The following HNF4A variants were observed in gnomAD, a reference collection of about 807,000 sequenced individuals.
HNF4A encodes the protein hepatocyte nuclear factor 4-alpha.
Under a neutral mutation model 52.4 loss-of-function variants are expected in HNF4A, and 15 were observed. The observed-to-expected ratio is 0.29, with a 90% CI of 0.19 to 0.44. HNF4A has a LOEUF of 0.44. Ranked by LOEUF, HNF4A falls within the 20% of genes least tolerant of loss-of-function variation. The pLI is 1.00. For synonymous variants in HNF4A, 280 were observed against 264.4 expected, an observed-to-expected ratio of 1.06 and a Z score of -0.57; for missense variants, 479 against 647.2, an observed-to-expected ratio of 0.74 and a Z score of 2.82.
chr20:44,368,156 A>ATTTTTTTTTTTTTTTTTTT (rs1568690704), intron 1 of HNF4A, among the ~76,000 whole-genome samples: 1 of 12,994 alleles, frequency 7.7e-5, no homozygotes, highest in Admixed American at 1.8e-3. Context: ...ATATATATAT[A>ATTTTTTTTTTTTTTTTTTT]TATATTTTTT....
chr20:44,393,659 A>G (rs2063326588), intron 1 of HNF4A, among the ~76,000 whole-genome samples: 2 of 152,210 alleles, frequency 1.3e-5, no homozygotes, highest in Non-Finnish European at 2.9e-5. Context: ...AGGATCAAGG[A>G]AGTAACACAT....
upstream of HNF4A, among the ~76,000 whole-genome samples, chr20:44,396,570 C>G (rs2063355359): frequency 6.6e-6 from 1 of 152,182 alleles, no homozygotes; most frequent in Admixed American, 6.5e-5. Context: ...AGGTAAAGAA[C>G]AGCTGCTAAA....
chr20:44,379,368 G>A (rs1245456144), intron 1 of HNF4A, among the ~76,000 whole-genome samples: 1 of 151,946 alleles, frequency 6.6e-6, no homozygotes, highest in African/African-American at 2.4e-5. Flanking sequence ...TTAGGAAGCC[G>A]CCATACTGCT....
chr20:44,419,781 T>C lies in HNF4A; in HGVS notation c.797T>C (p.Ile266Thr), dbSNP rs1164357335. The C allele has an allele frequency of 1.1e-5, 17 of 1,603,850 alleles. No individual in the cohort carries two copies. Among genetic ancestry groups the C allele is most frequent in the Non-Finnish European group, 1.4e-5 (17 of 1,173,690 alleles). ...CTGGCGGAGATGAGCCGGGTGTCCATACGCATCCTTGACGAGCTGGTGCTG... is the reference window on the plus strand; with the variant it reads ...CTGGCGGAGATGAGCCGGGTGTCCACACGCATCCTTGACGAGCTGGTGCTG... Residue 266 changes from isoleucine (I) to threonine (T), a missense_variant, in exon 7 of 10, where the codon ATA (isoleucine) becomes ACA (threonine). By Grantham distance (89) the Ile-to-Thr change is moderately conservative (BLOSUM62 -1). Around this residue, in one of 3 missense-constraint regions of HNF4A, gnomAD observed 389 missense variants for 525.1 expected, o/e 0.74. Coordinates refer to ENST00000316099, the MANE Select transcript of HNF4A (RefSeq NM_000457.6).
rs775178928 is a variant in HNF4A at position 44,419,748 on chromosome 20, G to T, written c.764G>T (p.Cys255Phe). ...AATGACTACATTGTCCCTCGGCACTGCCCGGAGCTGGCGGAGATGAGCCGG... is the reference window on the plus strand; with the variant it reads ...AATGACTACATTGTCCCTCGGCACTTCCCGGAGCTGGCGGAGATGAGCCGG... Residue 255 changes from cysteine (C) to phenylalanine (F), a missense_variant, in exon 7 of 10, where the codon TGC becomes TTC. Coordinates refer to ENST00000316099, the MANE Select transcript of HNF4A (RefSeq NM_000457.6). 1 of 1,613,372 alleles carries T rather than the reference G, an allele frequency of 6.2e-7. No individual in the cohort carries two copies.
intron 1 of HNF4A, among the ~76,000 whole-genome samples, chr20:44,382,906 C>A (rs146511655): frequency 1.3e-5 from 2 of 152,268 alleles, no homozygotes; most frequent in Admixed American, 1.3e-4. Context: ...GGGTGACTCA[C>A]GTCTGTAATC....
chr20:44,380,831 C>T (rs1389432240), intron 1 of HNF4A, among the ~76,000 whole-genome samples: 1 of 152,194 alleles, frequency 6.6e-6, no homozygotes, highest in African/African-American at 2.4e-5. Context: ...TCCAAGAAAT[C>T]ATCACCAAAT....
intron 5 of HNF4A, among the ~76,000 whole-genome samples, chr20:44,417,313 TCAGTGGGCTGGC>T (rs1233891118): frequency 6.6e-6 from 1 of 152,202 alleles, no homozygotes; most frequent in Non-Finnish European, 1.5e-5. Context: ...CAGATGGCTC[TCAGTGGGCTGGC>T]TATGTCCTTC....
At chr20:44,360,367 G>A (rs1218476812) in intron 1 of HNF4A, among the ~76,000 whole-genome samples, 1 of 152,166 alleles carries the variant, frequency 6.6e-6, no homozygotes, top group Non-Finnish European at 1.5e-5. Context: ...TGGGTGGATA[G>A]ATGGGTGGAT....
rs76796996 is a variant in HNF4A at position 44,365,585 on chromosome 20, C to T, written c.49+9732C>T. On this transcript the variant is annotated intron_variant, in intron 1 of 9. Coordinates refer to the HNF4A transcript ENST00000316673. ...GTTGGTGAATTTAGGCGAAGGGATA[C>T]ATCAGTGCTCACTATACTAGTCTTT... Among the ~76,000 whole-genome samples the T allele has an allele frequency of 5.7e-3, 866 of 152,274 alleles. 9 individuals carry two copies. Among genetic ancestry groups the T allele is most frequent in the African/African-American group, 0.019 (776 of 41,552 alleles).
intron 8 of HNF4A, 21 bp from the exon 9 acceptor site, chr20:44,428,314 A>T (rs1260980878): frequency 6.2e-7 from 1 of 1,613,538 alleles, no homozygotes; most frequent in Non-Finnish European, 8.5e-7. Context: ...CTCCATCCTG[A>T]TCGACCTTCT....
intron 2 of HNF4A, among the ~76,000 whole-genome samples, chr20:44,406,681 C>A (rs1033874921): frequency 1.3e-5 from 2 of 152,196 alleles, no homozygotes; most frequent in African/African-American, 4.8e-5. Flanking sequence ...TTGGAGAGCC[C>A]TCTTTCGAAA....
upstream of HNF4A, among the ~76,000 whole-genome samples, chr20:44,399,077 C>T (rs888694945): frequency 6.6e-6 from 1 of 152,194 alleles, no homozygotes; most frequent in South Asian, 2.1e-4. Context: ...TGTGTTTACC[C>T]CTTGGTCGGA....
At chr20:44,377,987 T>C (rs977141501) in intron 1 of HNF4A, 3 of 152,260 alleles carry the variant, frequency 2.0e-5, no homozygotes, top group African/African-American at 7.2e-5. Flanking sequence ...TTGCTCATTC[T>C]TGAATGCCAA....
rs775721024 is a variant in HNF4A, at chr20:44,385,059, CTTTTTTTTTT to C, written c.50-20980_50-20971del. On this transcript the variant is annotated intron_variant, in intron 1 of 9. Coordinates refer to the HNF4A transcript ENST00000316673. ...AGTGGTTTCAGCTGAACTCTGTGATCTTTTTTTTTTTTTTTTTTTTTTTTTTTTGCCTATT... is the reference window on the plus strand; with the variant it reads ...AGTGGTTTCAGCTGAACTCTGTGATCTTTTTTTTTTTTTTTTTTGCCTATT... 2.3e-4 allele frequency among the ~76,000 whole-genome samples: 8 copies of C among 34,986 alleles called. 1 individual carries two copies. The highest frequency in any genetic ancestry group is 4.5e-3 in the East Asian group (2 of 442). 23.0% of individuals were successfully genotyped at this position (34,986 alleles called of 152,430 possible). A position where few individuals can be genotyped will look rare whatever the true frequency, so the allele number is the denominator to read the frequency against.
chr20:44,362,801 C>T (rs1342672154), intron 1 of HNF4A, among the ~76,000 whole-genome samples: 2 of 151,998 alleles, frequency 1.3e-5, no homozygotes, highest in East Asian at 1.9e-4. Context: ...CCACCTTCTA[C>T]CACCTACTAG....
At chr20:44,406,347 C>G in intron 2 of HNF4A, 115 bp downstream of exon 2, 2 of 854,418 alleles carry the variant, frequency 2.3e-6, no homozygotes, top group Non-Finnish European at 3.8e-6. Flanking sequence ...TCAGGGCCTT[C>G]AAGGCTCTTC....
chr20:44,398,136 C>T (rs2063370218), upstream of HNF4A, among the ~76,000 whole-genome samples: 1 of 152,160 alleles, frequency 6.6e-6, no homozygotes, highest in Admixed American at 6.5e-5. Flanking sequence ...ATTTCAGGGG[C>T]ATGGGATCAT....
chr20:44,394,305 C>G (rs1411255106), intron 1 of HNF4A, among the ~76,000 whole-genome samples: 1 of 152,164 alleles, frequency 6.6e-6, no homozygotes, highest in Non-Finnish European at 1.5e-5. Flanking sequence ...GACCTTCTGT[C>G]CTTGGACAAG....
Sources: allele counts gnomAD v4.1 joint callset (sites outside exome capture counted in the v4.1 genomes callset), GRCh38; gene constraint gnomAD v4.1.1; regional missense constraint gnomAD v4.1.1; transcripts MANE v1.5; gene names NCBI Gene and HGNC (gene_info 2026-07-23, HGNC 2026-07-21).